CCND3: variants seen among roughly 807,000 people sequenced by gnomAD.
CCND3 encodes the protein G1/S-specific cyclin-D3.
CCND3 carries 9 observed loss-of-function variants against 28.7 expected under a neutral mutation model. The observed-to-expected ratio is 0.31, with a 90% CI of 0.19 to 0.55. The LOEUF is 0.55. Ranked by LOEUF, CCND3 falls within the 20% of genes least tolerant of loss-of-function variation. The probability of loss-of-function intolerance (pLI) is 0.93; values close to 1 mark genes in which losing one functional copy is unlikely to be tolerated. For missense variants in CCND3, 315 were observed against 385.8 expected (o/e 0.82, Z 1.54); for synonymous variants, 164 against 163.9 (o/e 1.00, Z 0.00).
At chr6:42,028,009 A>G (rs1245818201) in intron 1 of CCND3, among the ~76,000 whole-genome samples, 4 of 152,170 alleles carry the variant, frequency 2.6e-5, no homozygotes, top group African/African-American at 9.7e-5. Context: ...GGCCTCCCAA[A>G]GTGCTGGGAT....
At chr6:42,009,235 G>T (rs3924130) in intron 1 of CCND3, among the ~76,000 whole-genome samples, 14,605 of 152,204 alleles carry the variant, frequency 0.096, 944 homozygotes, top group East Asian at 0.26. Context: ...CAGCACTTTG[G>T]GGGGCCGAGG....
At chr6:41,988,958 C>T (rs559171560) in intron 1 of CCND3, among the ~76,000 whole-genome samples, 207 of 151,894 alleles carry the variant, frequency 1.4e-3, no homozygotes, top group African/African-American at 4.7e-3. Context: ...CTCGGCCTCC[C>T]AAAGTGCTGG....
chr6:41,978,551 C>T (rs1402023373), intron 1 of CCND3, among the ~76,000 whole-genome samples: 2 of 152,002 alleles, frequency 1.3e-5, no homozygotes, highest in South Asian at 2.1e-4. Context: ...ATAACAACAA[C>T]AACAAACCCC....
chr6:41,969,042 C>T lies in CCND3; in HGVS notation c.-45-28457G>A, dbSNP rs374697991. ...AACTCCTGACCTAAAGTGATCTGCC[C>T]GCCTCGGCCCCTCAAAGTGCTGGGA... On this transcript the variant is annotated intron_variant, in intron 1 of 4. Coordinates refer to the CCND3 transcript ENST00000372988. Among the ~76,000 whole-genome samples, 144 of 152,162 alleles carry T rather than the reference C, an allele frequency of 9.5e-4. 4 individuals carry two copies. The South Asian group carries it at 0.028, about 30-fold the overall frequency.
intron 1 of CCND3, among the ~76,000 whole-genome samples, chr6:42,045,182 A>T (rs184270081): frequency 1.7e-3 from 266 of 152,132 alleles, no homozygotes; most frequent in South Asian, 0.012. Context: ...AGCAGCATTT[A>T]AAAAAATCCC....
At position 41,936,148 on chromosome 6, in the gene CCND3, C is replaced by T. The variant is rs377286500; in HGVS notation, c.712-41G>A. On this transcript the variant is annotated intron_variant, in intron 4 of 4. Coordinates refer to ENST00000372991, the MANE Select transcript of CCND3 (RefSeq NM_001760.5). This position sits in a 1 kb window ranked among gnomAD's most constrained non-coding sequence, Gnocchi z 4.4. ...AAGAGTGAGGAGCAAACACTCCCCC[C>T]ATAGCATCTGGCAGCAGGTGCAGGG... The T allele has an allele frequency of 7.2e-6, 11 of 1,529,376 alleles. No individual in the cohort carries two copies. Among genetic ancestry groups the T allele is most frequent in the Non-Finnish European group, 9.7e-6 (11 of 1,138,158 alleles). The allele number at this position is 1,529,376 out of a possible 1,614,324, so 94.7% of individuals were successfully genotyped here. A position where few individuals can be genotyped will look rare whatever the true frequency, so the allele number is the denominator to read the frequency against.
At chr6:41,940,264 T>C (rs1775949408) in intron 2 of CCND3, 106 bp downstream of exon 2, 2 of 1,004,598 alleles carry the variant, frequency 2.0e-6, no homozygotes, top group Non-Finnish European at 1.6e-6. Flanking sequence ...CCTGATCCCC[T>C]TGCTTCCTCT....
Position 41,936,540 on chromosome 6 carries a change from C to T in CCND3, c.711+19G>A. ...ACTTTATGAATGGAGAGGCTGCTGC[C>T]CAGCTACCCAGCACTCACCACTTCA... is the stretch of plus-strand genomic sequence containing the variant. On this transcript the variant is annotated intron_variant, in intron 4 of 4. Coordinates refer to ENST00000372991, the MANE Select transcript of CCND3 (RefSeq NM_001760.5). This position sits in a 1 kb window ranked among gnomAD's most constrained non-coding sequence, Gnocchi z 4.4. The T allele has an allele frequency of 1.2e-6, 2 of 1,613,266 alleles. No individual in the cohort carries two copies. The highest frequency in any genetic ancestry group is 1.7e-6 in the Non-Finnish European group (2 of 1,179,508).
chr6:41,950,151 C>G (rs545126859), intron 1 of CCND3, among the ~76,000 whole-genome samples: 8 of 150,514 alleles, frequency 5.3e-5, no homozygotes, highest in Non-Finnish European at 8.9e-5. Context: ...CTTCCTTTTT[C>G]TGGCTGTCTG....
At chr6:41,962,189 C>T (rs1761736814) in intron 1 of CCND3, among the ~76,000 whole-genome samples, 1 of 152,128 alleles carries the variant, frequency 6.6e-6, no homozygotes, top group Admixed American at 6.5e-5. Flanking sequence ...CAACCTCCGC[C>T]TCCCAGGTTC....
intron 1 of CCND3, among the ~76,000 whole-genome samples, chr6:42,037,954 C>T (rs1285732973): frequency 1.3e-5 from 2 of 151,532 alleles, no homozygotes; most frequent in South Asian, 2.1e-4. Context: ...TCGCTTGAAC[C>T]CGGGAGGCGG....
At chr6:42,035,914 G>A (rs892699432) in intron 1 of CCND3, among the ~76,000 whole-genome samples, 3 of 152,026 alleles carry the variant, frequency 2.0e-5, no homozygotes, top group Non-Finnish European at 2.9e-5. Flanking sequence ...CTGACTTTGT[G>A]ATCCCCCCAC....
intron 1 of CCND3, among the ~76,000 whole-genome samples, chr6:41,963,345 G>A (rs1268149750): frequency 1.3e-5 from 2 of 152,236 alleles, no homozygotes; most frequent in Admixed American, 1.3e-4. Flanking sequence ...GAGACACACA[G>A]GTTGCCCACA....
chr6:42,044,593 T>C (rs1764474722), intron 1 of CCND3, among the ~76,000 whole-genome samples: 1 of 152,128 alleles, frequency 6.6e-6, no homozygotes, highest in Admixed American at 6.6e-5. Flanking sequence ...TTTTTGAAAA[T>C]CTGCCTCCAC....
intron 1 of CCND3, among the ~76,000 whole-genome samples, chr6:42,027,809 T>G (rs9394853): frequency 0.94 from 142,660 of 152,014 alleles, 67,054 homozygotes; most frequent in East Asian, 1. Context: ...GGGCAATGGC[T>G]CAATCTCAGC....
chr6:41,978,389 A>T (rs2127411025), intron 1 of CCND3, among the ~76,000 whole-genome samples: 1 of 141,632 alleles, frequency 7.1e-6, no homozygotes, highest in South Asian at 2.3e-4. Context: ...AAAAAAAATT[A>T]GCCAGGCGTG....
chr6:41,994,840 G>A (rs1001851187), intron 1 of CCND3, among the ~76,000 whole-genome samples: 1 of 152,028 alleles, frequency 6.6e-6, no homozygotes, highest in Non-Finnish European at 1.5e-5. Flanking sequence ...TTGGGAGTCC[G>A]AGGTGGGCAG....
intron 1 of CCND3, among the ~76,000 whole-genome samples, chr6:42,024,237 AC>A (rs1763800027): frequency 6.6e-6 from 1 of 151,872 alleles, no homozygotes; most frequent in African/African-American, 2.4e-5. Context: ...TCCCGTCCCT[AC>A]TAAATATACA....
intron 1 of CCND3, among the ~76,000 whole-genome samples, chr6:41,971,145 T>C (rs1762023191): frequency 6.6e-6 from 1 of 152,176 alleles, no homozygotes; most frequent in African/African-American, 2.4e-5. Context: ...CTCGAACTCC[T>C]GACCTCAGGT....
Sources: allele counts gnomAD v4.1 joint callset (sites outside exome capture counted in the v4.1 genomes callset), GRCh38; gene constraint gnomAD v4.1.1; non-coding constraint Gnocchi (gnomAD v3.1); transcripts MANE v1.5; gene names NCBI Gene and HGNC (gene_info 2026-07-23, HGNC 2026-07-21).